The following RANGAP1 variants were observed in gnomAD, a reference collection of about 807,000 sequenced individuals.
RANGAP1 encodes the protein ran GTPase-activating protein 1.
Under a neutral mutation model 63.5 loss-of-function variants are expected in RANGAP1, and 38 were observed. The observed-to-expected ratio is 0.60, with a 90% CI of 0.46 to 0.78. The LOEUF (loss-of-function observed/expected upper bound fraction) is 0.78, where lower values mean the gene tolerates loss of function less well. RANGAP1 is among the 30% of genes least tolerant of loss of function. The pLI, the probability that RANGAP1 is intolerant of heterozygous loss-of-function variation, is 0.00. For missense variants in RANGAP1, 630 were observed against 740.3 expected (o/e 0.85, Z 1.73); for synonymous variants, 329 against 310.5 (o/e 1.06, Z -0.63).
At position 41,249,310 on chromosome 22, in the gene RANGAP1, A is replaced by G; in HGVS notation, c.1694+20T>C. The G allele has an allele frequency of 1.9e-6, 3 of 1,573,798 alleles. No homozygotes were observed. Among genetic ancestry groups the G allele is most frequent in the South Asian group, 2.4e-5 (2 of 84,896 alleles). On this transcript the variant is annotated intron_variant, in intron 15 of 15. Coordinates refer to ENST00000356244, the MANE Select transcript of RANGAP1 (RefSeq NM_002883.4). Reference sequence around the variant, plus strand: ...AGCCCGAGAGGGCAGGCACCGGCAGAAGGACAAGGCCACACTCACTTGGTC... The same window carrying G: ...AGCCCGAGAGGGCAGGCACCGGCAGGAGGACAAGGCCACACTCACTTGGTC...
chr22:41,283,865 G>A (rs935675746), intron 1 of RANGAP1, among the ~76,000 whole-genome samples: 5 of 151,064 alleles, frequency 3.3e-5, no homozygotes, highest in African/African-American at 9.7e-5. Context: ...GTCATCTGAC[G>A]TACATTTTGA....
At chr22:41,280,638 C>T in intron 2 of RANGAP1, 1 of 1,307,266 alleles carries the variant, frequency 7.6e-7, no homozygotes, top group Middle Eastern at 2.0e-4. Context: ...GAGTCAGAGG[C>T]TGTATCTTGG....
chr22:41,260,813 A>T (rs1251743053), intron 6 of RANGAP1, among the ~76,000 whole-genome samples: 2 of 152,186 alleles, frequency 1.3e-5, no homozygotes, highest in Non-Finnish European at 2.9e-5. Context: ...ACTGCACTCC[A>T]GCATGGGTGA....
At chr22:41,254,982 AC>A (rs1226315140) in intron 10 of RANGAP1, among the ~76,000 whole-genome samples, 3 of 131,956 alleles carry the variant, frequency 2.3e-5, no homozygotes, top group Non-Finnish European at 3.3e-5. Context: ...CCACAAAAAA[AC>A]AAAAAAAAAA....
the RANGAP1 span, among the ~76,000 whole-genome samples, chr22:41,293,005 G>C: frequency 2.0e-5 from 3 of 151,908 alleles, no homozygotes; most frequent in African/African-American, 4.8e-5. Flanking sequence ...GGAGGCCGAG[G>C]CGGGCGGATC....
intron 2 of RANGAP1, among the ~76,000 whole-genome samples, chr22:41,275,208 G>A (rs2035062656): frequency 6.6e-6 from 1 of 152,218 alleles, no homozygotes; most frequent in East Asian, 1.9e-4. Context: ...AGAGAAGACA[G>A]AAGACCCAGT....
chr22:41,289,204 G>A (rs1210133865), upstream of RANGAP1, among the ~76,000 whole-genome samples: 2 of 151,872 alleles, frequency 1.3e-5, no homozygotes, highest in African/African-American at 2.4e-5. Context: ...CAGTACAGGC[G>A]TGAGCCACTG....
chr22:41,279,192 C>G (rs969941339), intron 2 of RANGAP1, among the ~76,000 whole-genome samples: 1 of 151,782 alleles, frequency 6.6e-6, no homozygotes, highest in Non-Finnish European at 1.5e-5. Flanking sequence ...GGCTGAAGGC[C>G]AGACACAGTG....
In RANGAP1 at chr22:41,249,413, G is replaced by GC. The variant is rs2033277160; in HGVS notation, c.1610dup (p.Leu539ProfsTer63). 6.2e-7 allele frequency: 1 copy of GC among 1,614,066 alleles called. No individual in the cohort carries two copies. Among genetic ancestry groups the GC allele is most frequent in the Non-Finnish European group, 8.5e-7 (1 of 1,180,032 alleles). On this transcript the variant is annotated frameshift_variant, in exon 15 of 16. Transcript: ENST00000356244. LOFTEE classifies it high-confidence loss of function. ...CCATGTGGTTCAGCGCCATCAGGGG[G>GC]CCGTACAGGTTGGCAATGGCCTTGA... is the stretch of plus-strand genomic sequence containing the variant.
the RANGAP1 span, among the ~76,000 whole-genome samples, chr22:41,291,857 C>T: frequency 8.6e-5 from 13 of 151,420 alleles, no homozygotes; most frequent in Admixed American, 2.6e-4. Context: ...GCCGAGATCG[C>T]GCCACTGCAC....
Position 41,274,637 on chromosome 22 carries a change from AC to A in RANGAP1, c.202del (p.Val68SerfsTer6). On this transcript the variant is annotated frameshift_variant, in exon 3 of 16. Coordinates refer to ENST00000356244, the MANE Select transcript of RANGAP1 (RefSeq NM_002883.4). LOFTEE classifies it high-confidence loss of function. ...GNTVGVEAARVIAKALEKKSE... is the reference protein window; with the variant it reads ...GNTVGVEAARXIAKALEKKSE... ...CTTCTTCTCTAAGGCCTTGGCGATG[AC>A]CCTGGCTGCTTCCACGCCCACTGTG... 6.2e-7 allele frequency: 1 copy of A among 1,614,076 alleles called. No individual in the cohort carries two copies. Among genetic ancestry groups the A allele is most frequent in the Non-Finnish European group, 8.5e-7 (1 of 1,179,992 alleles).
At chr22:41,285,474 G>T in intron 1 of RANGAP1, 10 of 981,732 alleles carry the variant, frequency 1.0e-5, no homozygotes, top group Non-Finnish European at 1.2e-5. Flanking sequence ...TCCTCTCCCC[G>T]CTCCGCAGCA....
chr22:41,259,429 T>G (rs1048489839), intron 6 of RANGAP1, among the ~76,000 whole-genome samples: 1 of 152,200 alleles, frequency 6.6e-6, no homozygotes. Flanking sequence ...CAAAAAATGT[T>G]TTTTTAAAAT....
chr22:41,267,679 G>A (rs570226402), intron 4 of RANGAP1, among the ~76,000 whole-genome samples: 2 of 152,314 alleles, frequency 1.3e-5, no homozygotes, highest in African/African-American at 4.8e-5. Context: ...CGGAGAAAGG[G>A]AGGAGCCAGA....
At chr22:41,269,739 CAA>C (rs35959490) in intron 3 of RANGAP1, among the ~76,000 whole-genome samples, 23 of 93,022 alleles carry the variant, frequency 2.5e-4, no homozygotes, top group Admixed American at 6.8e-4. Flanking sequence ...AAGACTCTCT[CAA>C]AAAAAAAAAA....
chr22:41,250,976 G>A, intron 13 of RANGAP1, 31 bp downstream of exon 13: 2 of 1,581,426 alleles, frequency 1.3e-6, no homozygotes, highest in Non-Finnish European at 1.7e-6. Flanking sequence ...AAGGGACAGA[G>A]GGCACCCAGG....
At position 41,261,328 on chromosome 22, in the gene RANGAP1, G is replaced by A. The variant is rs980010023; in HGVS notation, c.615+118C>T. On this transcript the variant is annotated intron_variant, in intron 6 of 15. Coordinates refer to ENST00000356244, the MANE Select transcript of RANGAP1 (RefSeq NM_002883.4). Reference sequence around the variant, plus strand: ...GGGTTAACAGGCTTGGAGAGGGCACGTGACGCCCCAGGTCTCTTGGTTGAG... The same window carrying A: ...GGGTTAACAGGCTTGGAGAGGGCACATGACGCCCCAGGTCTCTTGGTTGAG... The A allele has an allele frequency of 2.7e-6, 4 of 1,467,498 alleles. No individual in the cohort carries two copies. In the South Asian group the frequency reaches 3.9e-5, roughly 14 times the overall value. 90.9% of individuals were successfully genotyped at this position (1,467,498 alleles called of 1,614,324 possible). A position where few individuals can be genotyped will look rare whatever the true frequency, so the allele number is the denominator to read the frequency against.
intron 1 of RANGAP1, chr22:41,285,441 AG>A (rs1468101341): frequency 5.3e-6 from 5 of 935,818 alleles, no homozygotes; most frequent in Non-Finnish European, 6.4e-6. Context: ...CCAGAGCAAA[AG>A]CAAAGGGCTA....
intron 3 of RANGAP1, among the ~76,000 whole-genome samples, chr22:41,271,593 C>G (rs2034832698): frequency 6.6e-6 from 1 of 151,446 alleles, no homozygotes; most frequent in Non-Finnish European, 1.5e-5. Flanking sequence ...ACTTGGGAGG[C>G]TGAGGCAGGA....
Sources: gnomAD v4.1 joint callset for allele counts (sites outside exome capture counted in the v4.1 genomes callset) on GRCh38, gnomAD v4.1.1 for gene constraint, MANE v1.5 for transcripts, NCBI Gene and HGNC (gene_info 2026-07-23, HGNC 2026-07-21) for gene names.